The following AP3S1 variants were observed in gnomAD, a reference collection of about 807,000 sequenced individuals.
AP3S1 encodes AP-3 complex subunit sigma-1.
Under a neutral mutation model 21.3 loss-of-function variants are expected in AP3S1, and 12 were observed. That is an observed-to-expected ratio of 0.56 (90% CI 0.36 to 0.91). The LOEUF is 0.91. Among genes scored for constraint, AP3S1 ranks in the 40% least tolerant of loss-of-function variants. The pLI, the probability that AP3S1 is intolerant of heterozygous loss-of-function variation, is 0.01. For synonymous variants in AP3S1, 48 were observed against 78.4 expected (o/e 0.61, Z 2.05); for missense variants, 116 against 225.0 (o/e 0.52, Z 3.10).
intron 3 of AP3S1, among the ~76,000 whole-genome samples, chr5:115,889,378 A>G (rs1488517226): frequency 6.6e-6 from 1 of 152,162 alleles, no homozygotes; most frequent in Non-Finnish European, 1.5e-5. Flanking sequence ...AAGTAAGACC[A>G]CTCCACGTCA....
chr5:115,858,170 A>G (rs989250697), intron 1 of AP3S1, among the ~76,000 whole-genome samples: 4 of 152,094 alleles, frequency 2.6e-5, no homozygotes, highest in African/African-American at 9.7e-5. Flanking sequence ...TTTGTTTACT[A>G]TCCTGCCATG....
chr5:115,862,385 T>C (rs1561483875), intron 1 of AP3S1, among the ~76,000 whole-genome samples: 1 of 152,356 alleles, frequency 6.6e-6, no homozygotes, highest in East Asian at 1.9e-4. Flanking sequence ...GATACTAGTT[T>C]ATTTTATCAT....
intron 3 of AP3S1, among the ~76,000 whole-genome samples, chr5:115,880,920 C>T (rs751081767): frequency 6.6e-6 from 1 of 152,120 alleles, no homozygotes; most frequent in African/African-American, 2.4e-5. Flanking sequence ...GCTAGCTCTT[C>T]TTGTTGGGTT....
chr5:115,905,418 A>G (rs1242993301), intron 5 of AP3S1, among the ~76,000 whole-genome samples: 3 of 152,226 alleles, frequency 2.0e-5, no homozygotes, highest in African/African-American at 7.2e-5. Flanking sequence ...CGCATCATAC[A>G]TAATTGTTAT....
At chr5:115,908,498 A>G (rs1252318195) in intron 5 of AP3S1, among the ~76,000 whole-genome samples, 4 of 152,176 alleles carry the variant, frequency 2.6e-5, no homozygotes. Flanking sequence ...CTACAAAATT[A>G]TGGTGAGAAC....
chr5:115,898,074 G>GT (rs1750911329), intron 4 of AP3S1, among the ~76,000 whole-genome samples: 2 of 152,338 alleles, frequency 1.3e-5, no homozygotes, highest in East Asian at 3.9e-4. Flanking sequence ...CACGCAGTAT[G>GT]TTTATCATAT....
At chr5:115,843,780 A>T (rs1056695413) in intron 1 of AP3S1, among the ~76,000 whole-genome samples, 7 of 152,258 alleles carry the variant, frequency 4.6e-5, no homozygotes, top group Non-Finnish European at 1.0e-4. Context: ...TGTATAATTT[A>T]ACTATCTATT....
chr5:115,855,203 C>CT (rs1252677231), intron 1 of AP3S1, among the ~76,000 whole-genome samples: 1 of 151,626 alleles, frequency 6.6e-6, no homozygotes, highest in South Asian at 2.1e-4. Context: ...TGCCTCACCA[C>CT]TTTTTTTGTA....
chr5:115,879,282 C>T (rs1467877201), intron 3 of AP3S1, among the ~76,000 whole-genome samples: 2 of 152,174 alleles, frequency 1.3e-5, no homozygotes, highest in African/African-American at 4.8e-5. Flanking sequence ...TGCCAGTTTT[C>T]AAAGGGAATG....
chr5:115,876,693 A>C (rs1467663440), intron 3 of AP3S1, among the ~76,000 whole-genome samples: 1 of 152,138 alleles, frequency 6.6e-6, no homozygotes, highest in South Asian at 2.1e-4. Flanking sequence ...CTGTGTAACA[A>C]TTCTTTAACT....
At chr5:115,899,248 A>T (rs1580731991) in intron 4 of AP3S1, among the ~76,000 whole-genome samples, 1 of 152,182 alleles carries the variant, frequency 6.6e-6, no homozygotes, top group Non-Finnish European at 1.5e-5. Context: ...GCACAGAACG[A>T]GAGACTCCTT....
chr5:115,880,779 T>C (rs1749206300), intron 3 of AP3S1, among the ~76,000 whole-genome samples: 1 of 152,182 alleles, frequency 6.6e-6, no homozygotes, highest in Admixed American at 6.5e-5. Flanking sequence ...CTTGTGGATC[T>C]GTCTAATATT....
chr5:115,893,593 C>T (rs1287679848), intron 3 of AP3S1, among the ~76,000 whole-genome samples: 1 of 152,148 alleles, frequency 6.6e-6, no homozygotes, highest in Non-Finnish European at 1.5e-5. Flanking sequence ...AGTTACATGT[C>T]CACTTAGCCA....
chr5:115,899,910 A>G (rs1751065491), intron 4 of AP3S1, among the ~76,000 whole-genome samples: 1 of 152,190 alleles, frequency 6.6e-6, no homozygotes, highest in Non-Finnish European at 1.5e-5. Flanking sequence ...TCAGTGGTCT[A>G]GAAAACTTGA....
chr5:115,894,963 T>G, intron 3 of AP3S1, 124 bp from the exon 4 acceptor site: 2 of 606,744 alleles, frequency 3.3e-6, no homozygotes, highest in South Asian at 5.0e-5. Flanking sequence ...AATACAATTT[T>G]TAGTTTGAAA....
chr5:115,861,446 A>G (rs1561482756), intron 1 of AP3S1, among the ~76,000 whole-genome samples: 1 of 152,226 alleles, frequency 6.6e-6, no homozygotes, highest in Admixed American at 6.5e-5. Flanking sequence ...GATCTTTAAG[A>G]AAGGAAGTAA....
At chr5:115,907,234 T>A (rs1452819414) in intron 5 of AP3S1, among the ~76,000 whole-genome samples, 1 of 152,228 alleles carries the variant, frequency 6.6e-6, no homozygotes, top group Non-Finnish European at 1.5e-5. Flanking sequence ...AATCTTAATT[T>A]AACTCTCACA....
At chr5:115,870,733 T>C (rs1449703079) in intron 3 of AP3S1, among the ~76,000 whole-genome samples, 1 of 152,168 alleles carries the variant, frequency 6.6e-6, no homozygotes, top group East Asian at 1.9e-4. Flanking sequence ...CTTCTATCCA[T>C]TTAGTTATAG....
intron 5 of AP3S1, chr5:115,904,005 C>G (rs1381668278): frequency 6.6e-6 from 1 of 152,034 alleles, no homozygotes; most frequent in Non-Finnish European, 1.5e-5. Context: ...TCACTTGAAC[C>G]CCGGAGGTGG....
Sources: allele counts gnomAD v4.1 joint callset (sites outside exome capture counted in the v4.1 genomes callset), GRCh38; gene constraint gnomAD v4.1.1; transcripts MANE v1.5; gene names NCBI Gene and HGNC (gene_info 2026-07-23, HGNC 2026-07-21).